RORA: variants seen among roughly 807,000 people sequenced by gnomAD.
RORA encodes nuclear receptor ROR-alpha.
In RORA, 7 loss-of-function variants were observed where a neutral mutation model predicts 69.5. The ratio of observed to expected loss-of-function variants is 0.10; its 90% CI spans 0.06 to 0.19. RORA has a LOEUF of 0.19. Among genes scored for constraint, RORA ranks in the 10% least tolerant of loss-of-function variants. The pLI is 1.00. For missense variants in RORA, 457 were observed against 663.0 expected (o/e 0.69, Z 3.41); for synonymous variants, 261 against 240.8 (o/e 1.08, Z -0.78).
intron 1 of RORA, among the ~76,000 whole-genome samples, chr15:61,217,184 C>T: frequency 6.6e-6 from 1 of 152,312 alleles, no homozygotes; most frequent in Non-Finnish European, 1.5e-5. Context: ...TAATGGGCAC[C>T]TATTTTATGC....
chr15:60,841,459 T>C (rs1195666843), intron 1 of RORA, among the ~76,000 whole-genome samples: 1 of 152,210 alleles, frequency 6.6e-6, no homozygotes, highest in Non-Finnish European at 1.5e-5. Flanking sequence ...TGTGGCTCTT[T>C]CTTGTTTTCT....
chr15:61,167,531 A>ATTTTTTTT (rs2079549235), intron 1 of RORA, among the ~76,000 whole-genome samples: 2 of 130,088 alleles, frequency 1.5e-5, no homozygotes, highest in South Asian at 2.4e-4. Context: ...TTATGAAGAA[A>ATTTTTTTT]TTTCTCTACA....
intron 1 of RORA, among the ~76,000 whole-genome samples, chr15:60,947,138 C>A (rs1457935763): frequency 4.6e-5 from 7 of 151,546 alleles, no homozygotes; most frequent in Middle Eastern, 3.6e-3. Context: ...CCCGGCCAGC[C>A]CCTTCTGGGA....
chr15:60,722,642 G>T (rs1337988224), intron 1 of RORA, among the ~76,000 whole-genome samples: 1 of 152,134 alleles, frequency 6.6e-6, no homozygotes, highest in Non-Finnish European at 1.5e-5. Flanking sequence ...TGACTTCCCT[G>T]GACTTGCTTT....
chr15:60,955,429 T>G (rs1893238899), intron 1 of RORA, among the ~76,000 whole-genome samples: 1 of 152,250 alleles, frequency 6.6e-6, no homozygotes, highest in Non-Finnish European at 1.5e-5. Flanking sequence ...ATAGTATATT[T>G]CATTATATAG....
intron 1 of RORA, among the ~76,000 whole-genome samples, chr15:60,956,114 G>A (rs1893260756): frequency 1.3e-5 from 2 of 152,154 alleles, no homozygotes; most frequent in Admixed American, 6.6e-5. Context: ...TCTCTTGCTG[G>A]AAATTTAATA....
intron 1 of RORA, among the ~76,000 whole-genome samples, chr15:60,784,732 G>A (rs1164991629): frequency 1.3e-5 from 2 of 152,176 alleles, no homozygotes. Flanking sequence ...TGTATGACTT[G>A]AGCAGTGACT....
intron 1 of RORA, among the ~76,000 whole-genome samples, chr15:60,860,141 T>G (rs1014400593): frequency 6.6e-6 from 1 of 152,190 alleles, no homozygotes; most frequent in African/African-American, 2.4e-5. Context: ...TGTTTCTGAC[T>G]CAATGGTCCG....
At chr15:60,633,718 A>T (rs115976626) in intron 2 of RORA, among the ~76,000 whole-genome samples, 2,589 of 152,326 alleles carry the variant, frequency 0.017, 90 homozygotes, top group African/African-American at 0.059. Flanking sequence ...TTCCCATTGT[A>T]TACAAGGGAA....
chr15:61,063,538 A>C (rs575900743), intron 1 of RORA, among the ~76,000 whole-genome samples: 16 of 152,352 alleles, frequency 1.1e-4, no homozygotes, highest in African/African-American at 3.8e-4. Context: ...CAACAGTGCA[A>C]TAAAATGTAA....
chr15:60,982,379 G>T (rs749719672), intron 1 of RORA, among the ~76,000 whole-genome samples: 14 of 152,206 alleles, frequency 9.2e-5, no homozygotes, highest in Non-Finnish European at 1.8e-4. Context: ...CCTACAGCAT[G>T]TCATTCCCTA....
At chr15:61,134,983 A>C (rs1382934947) in intron 1 of RORA, among the ~76,000 whole-genome samples, 1 of 152,034 alleles carries the variant, frequency 6.6e-6, no homozygotes, top group Non-Finnish European at 1.5e-5. Flanking sequence ...GATTTCAAGC[A>C]AACCCCTGTC....
At chr15:60,859,387 C>T (rs2073413453) in intron 1 of RORA, among the ~76,000 whole-genome samples, 1 of 76,796 alleles carries the variant, frequency 1.3e-5, no homozygotes, top group Non-Finnish European at 3.1e-5. Context: ...CACCTGGGAC[C>T]TTGGGACCTT....
At chr15:60,554,481 C>G (rs1053305549) in intron 2 of RORA, among the ~76,000 whole-genome samples, 11 of 152,052 alleles carry the variant, frequency 7.2e-5, no homozygotes, top group Non-Finnish European at 1.0e-4. Context: ...CTTTAATAAC[C>G]AAGGCACCAT....
At chr15:61,115,390 G>A (rs2079041892) in intron 1 of RORA, among the ~76,000 whole-genome samples, 1 of 152,174 alleles carries the variant, frequency 6.6e-6, no homozygotes, top group Non-Finnish European at 1.5e-5. Context: ...GGCTGACTAA[G>A]AAGACAGGAC....
At chr15:60,781,297 T>G (rs978931067) in intron 1 of RORA, among the ~76,000 whole-genome samples, 3 of 152,154 alleles carry the variant, frequency 2.0e-5, no homozygotes, top group African/African-American at 7.2e-5. Context: ...CCCCTTCCCC[T>G]TGAACTTGCA....
At chr15:60,956,253 C>A (rs1471506068) in intron 1 of RORA, among the ~76,000 whole-genome samples, 2 of 151,960 alleles carry the variant, frequency 1.3e-5, no homozygotes, top group African/African-American at 4.8e-5. Context: ...TTCCACTGGG[C>A]AGTAATAACT....
At position 60,592,894 on chromosome 15, in the gene RORA, G is replaced by T. The variant is rs1276761215; in HGVS notation, c.197-61043C>A. 3 of 456,876 alleles carry T rather than the reference G, an allele frequency of 6.6e-6. No homozygotes were observed. The East Asian group carries it at 2.1e-4, about 32-fold the overall frequency. 28.3% of individuals were successfully genotyped at this position (456,876 alleles called of 1,614,324 possible). ...CTGCCCCCACTCGGTGGGGCAAGAGGCTCGCAACCCGACGCCACTCTCCCG... is the reference window on the plus strand; with the variant it reads ...CTGCCCCCACTCGGTGGGGCAAGAGTCTCGCAACCCGACGCCACTCTCCCG... On this transcript the variant is annotated intron_variant, in intron 2 of 10. Transcript: ENST00000335670.
At chr15:60,553,153 T>G (rs1457311971) in intron 2 of RORA, among the ~76,000 whole-genome samples, 1 of 152,234 alleles carries the variant, frequency 6.6e-6, no homozygotes, top group Non-Finnish European at 1.5e-5. Context: ...TATGAGCTAT[T>G]GATATTTTTA....
Sources: allele counts gnomAD v4.1 joint callset (sites outside exome capture counted in the v4.1 genomes callset), GRCh38; gene constraint gnomAD v4.1.1; transcripts MANE v1.5; gene names NCBI Gene and HGNC (gene_info 2026-07-23, HGNC 2026-07-21).